Variants in BCLAF3 observed in about 807,000 individuals in gnomAD.
The protein encoded by BCLAF3 is BCLAF1 and THRAP3 family member 3, also known as transient octamer binding factor 1.
A neutral mutation model predicts 51.2 loss-of-function variants in BCLAF3; 24 were observed. That is an observed-to-expected ratio of 0.47 (90% CI 0.34 to 0.66). The LOEUF (loss-of-function observed/expected upper bound fraction) is 0.66. Ranked by LOEUF, BCLAF3 falls within the 30% of genes least tolerant of loss-of-function variation. The pLI is 0.01. For synonymous variants in BCLAF3, 152 were observed against 176.6 expected (o/e 0.86, Z 1.10); for missense variants, 465 against 525.1 (o/e 0.89, Z 1.12).
At chrX:19,941,082 T>C (rs1346990028) in intron 8 of BCLAF3, among the ~76,000 whole-genome samples, 8 of 110,700 alleles carry the variant, frequency 7.2e-5, no homozygotes, top group Non-Finnish European at 1.1e-4. Context: ...TTGAGAAGTG[T>C]CTATTCATGT....
chrX:19,948,461 T>C (rs1950830706), intron 8 of BCLAF3, among the ~76,000 whole-genome samples: 1 of 111,549 alleles, frequency 9.0e-6, no homozygotes, highest in African/African-American at 3.3e-5. Flanking sequence ...CATATTATAT[T>C]ATTGAATTTA....
chrX:19,915,338 T>C lies in BCLAF3; in HGVS notation c.*1967A>G, dbSNP rs2147625875. ...AGGAAGCTGGGTGCTGGGGATACTA[T>C]GGTGGACAAGACAGACACGGTCCCT... On this transcript the variant is annotated 3_prime_UTR_variant, in exon 12 of 12. Coordinates refer to ENST00000379682, the MANE Select transcript of BCLAF3 (RefSeq NM_001367774.2). The C allele has an allele frequency of 8.9e-6, 1 of 111,977 alleles. No individual in the cohort carries two copies. The highest frequency in any genetic ancestry group is 2.8e-4 in the East Asian group (1 of 3,585). The allele number at this position is 111,977 out of a possible 1,213,427, so 9.2% of individuals were successfully genotyped here.
intron 8 of BCLAF3, among the ~76,000 whole-genome samples, chrX:19,945,095 G>A (rs1427168064): frequency 2.6e-4 from 29 of 109,935 alleles, no homozygotes; most frequent in African/African-American, 6.3e-4. Flanking sequence ...CATTCTTCAC[G>A]TAGTTCTCAA....
At chrX:19,936,037 A>G (rs1235346246) in intron 9 of BCLAF3, 139 bp from the exon 10 acceptor site, 1 of 482,416 alleles carries the variant, frequency 2.1e-6, no homozygotes, top group African/African-American at 2.4e-5. Flanking sequence ...GCTGTAGAGC[A>G]CATACACATC....
rs184577725 is a variant in BCLAF3 at position 19,966,791 on chromosome X, T to A, written c.42-142A>T. The A allele has an allele frequency of 3.3e-4, 161 of 491,949 alleles. 3 individuals are homozygous for A. In the Admixed American group the frequency reaches 6.1e-3, roughly 19 times the overall value. The allele number at this position is 491,949 out of a possible 1,213,427, so 40.5% of individuals were successfully genotyped here. A position where few individuals can be genotyped will look rare whatever the true frequency, so the allele number is the denominator to read the frequency against. On this transcript the variant is annotated intron_variant, in intron 2 of 11. Coordinates refer to ENST00000379682, the MANE Select transcript of BCLAF3 (RefSeq NM_001367774.2). ...AATTCATCAATTTGCTACATCTGCA[T>A]TCTAAATTGTACATCTGGGGGTCTG... is the stretch of plus-strand genomic sequence containing the variant.
chrX:19,989,530 C>T (rs2072889498), intron 1 of BCLAF3, among the ~76,000 whole-genome samples: 1 of 111,965 alleles, frequency 8.9e-6, no homozygotes, highest in African/African-American at 3.2e-5. Context: ...ATTTACCCAA[C>T]AATGTATTTT....
intron 1 of BCLAF3, among the ~76,000 whole-genome samples, chrX:19,983,507 A>AG (rs2072689951): frequency 9.2e-6 from 1 of 108,476 alleles, no homozygotes; most frequent in Admixed American, 9.8e-5. Flanking sequence ...ACCTGAGGTC[A>AG]GAAGACAAGG....
chrX:19,982,236 A>T (rs1290324960), intron 1 of BCLAF3, among the ~76,000 whole-genome samples: 1 of 111,228 alleles, frequency 9.0e-6, no homozygotes, highest in Non-Finnish European at 1.9e-5. Flanking sequence ...TGAGCCCAGA[A>T]GTTAGAGACC....
Position 19,918,572 on chromosome X carries a change from T to TCTTG in BCLAF3, c.2107-1239_2107-1238insCAAG, listed in dbSNP as rs1341842477. The stretch of plus-strand genomic sequence containing the variant: ...TTTTTTTTTTTTTTTTGAGATGGAG[T>TCTTG]CTCCGTTGCCCAGGCTGGAGTGCAG... On this transcript the variant is annotated intron_variant, in intron 11 of 11. Transcript: ENST00000379682. 9.9e-5 allele frequency among the ~76,000 whole-genome samples: 8 copies of TCTTG among 81,204 alleles called. No homozygotes were observed. The Admixed American group carries it at 1.3e-3, about 13-fold the overall frequency. The allele number at this position is 81,204 out of a possible 115,157, so 70.5% of individuals were successfully genotyped here.
intron 1 of BCLAF3, among the ~76,000 whole-genome samples, chrX:19,981,778 C>T (rs745345295): frequency 7.2e-5 from 8 of 111,398 alleles, no homozygotes; most frequent in Admixed American, 1.9e-4. Flanking sequence ...CACAAAAGAC[C>T]ACTATTATAT....
rs200812673 is a variant in BCLAF3 at position 19,965,161 on chromosome X, G to A, written c.1157C>T (p.Ser386Phe). The A allele has an allele frequency of 5.4e-5, 65 of 1,205,666 alleles. No homozygotes were observed. In the African/African-American group the frequency reaches 9.2e-4, roughly 17 times the overall value. ...EGDCRKESNS[S>F]SNQLDKSQKL... The stretch of plus-strand genomic sequence containing the variant: ...TTGACTTTTATCAAGTTGGTTACTG[G>A]AAGAATTGCTCTCTTTTCTACAATC... The change falls in exon 4 of 12, where the codon TCC (serine) becomes TTC (phenylalanine). Residue 386 changes from serine to phenylalanine, a missense_variant. By Grantham distance (155) the Ser-to-Phe change is radical. Coordinates refer to ENST00000379682, the MANE Select transcript of BCLAF3 (RefSeq NM_001367774.2).
chrX:19,967,906 T>C (rs1357785201), intron 2 of BCLAF3, among the ~76,000 whole-genome samples: 1 of 112,011 alleles, frequency 8.9e-6, no homozygotes, highest in East Asian at 2.8e-4. Context: ...AAGCTAGACA[T>C]ACTGGCAAGT....
intron 1 of BCLAF3, among the ~76,000 whole-genome samples, chrX:19,983,540 G>A (rs1374106701): frequency 3.7e-5 from 4 of 107,523 alleles, no homozygotes; most frequent in East Asian, 3.0e-4. Flanking sequence ...GCAAAACCCC[G>A]TCTCCACTAA....
intron 2 of BCLAF3, among the ~76,000 whole-genome samples, chrX:19,969,045 G>A (rs1203499681): frequency 2.7e-5 from 3 of 111,938 alleles, no homozygotes; most frequent in East Asian, 2.8e-4. Flanking sequence ...CCCGGGAGAC[G>A]GAGCTTGCAG....
At chrX:19,942,079 T>A (rs2147827352) in intron 8 of BCLAF3, among the ~76,000 whole-genome samples, 1 of 80,451 alleles carries the variant, frequency 1.2e-5, no homozygotes, top group Non-Finnish European at 2.3e-5. Flanking sequence ...TGTTTGTATG[T>A]TGCTGGTGTA....
chrX:19,958,820 T>C (rs958957967), intron 4 of BCLAF3, among the ~76,000 whole-genome samples: 3 of 112,635 alleles, frequency 2.7e-5, no homozygotes, highest in African/African-American at 9.7e-5. Context: ...TGACTGTATA[T>C]AATTTGCTCC....
At chrX:19,948,103 A>C (rs1400514314) in intron 8 of BCLAF3, among the ~76,000 whole-genome samples, 1 of 112,352 alleles carries the variant, frequency 8.9e-6, no homozygotes, top group Non-Finnish European at 1.9e-5. Flanking sequence ...GCTGGTGGAA[A>C]TGTAAAATAG....
rs753443778 is a variant in BCLAF3 at position 19,976,577 on chromosome X, G to A, written c.-34-6279C>T. On this transcript the variant is annotated intron_variant, in intron 1 of 11. Transcript: ENST00000379682. ...GGCTAATTTTTGTATTTTTAGTAGA[G>A]ACGAGGTTTCACCACGTTGGCCAGG... 6.1e-4 allele frequency among the ~76,000 whole-genome samples: 68 copies of A among 111,202 alleles called. 1 individual carries two copies. The highest frequency in any genetic ancestry group is 1.9e-3 in the African/African-American group (59 of 30,556).
At chrX:19,968,414 C>T (rs1182862979) in intron 2 of BCLAF3, among the ~76,000 whole-genome samples, 1 of 112,753 alleles carries the variant, frequency 8.9e-6, no homozygotes, top group Non-Finnish European at 1.9e-5. Context: ...TAAATGTCTC[C>T]TCCAAGGCAA....
Sources: gnomAD v4.1 joint callset for allele counts (sites outside exome capture counted in the v4.1 genomes callset) on GRCh38, gnomAD v4.1.1 for gene constraint, MANE v1.5 for transcripts, NCBI Gene and HGNC (gene_info 2026-07-23, HGNC 2026-07-21) for gene names.